The following MCTP1 variants were observed in gnomAD, a reference collection of about 807,000 sequenced individuals.
MCTP1 encodes multiple C2 and transmembrane domain containing 1, also known as multiple C2 and transmembrane domain-containing protein 1.
A neutral mutation model predicts 120.6 loss-of-function variants in MCTP1; 69 were observed. That is an observed-to-expected ratio of 0.57 (90% confidence interval 0.47 to 0.70). The LOEUF (loss-of-function observed/expected upper bound fraction) is 0.70. MCTP1 is among the 30% of genes least tolerant of loss of function. The probability of loss-of-function intolerance (pLI) is 0.00; values close to 1 mark genes in which losing one functional copy is unlikely to be tolerated. For synonymous variants in MCTP1, 529 were observed against 493.1 expected, an observed-to-expected ratio of 1.07 and a Z score of -0.96; for missense variants, 1,203 against 1,248.8, an observed-to-expected ratio of 0.96 and a Z score of 0.55.
intron 18 of MCTP1, among the ~76,000 whole-genome samples, chr5:94,785,366 G>T (rs1019513044): frequency 2.0e-5 from 3 of 151,962 alleles, no homozygotes; most frequent in Non-Finnish European, 4.4e-5. Flanking sequence ...TCTAATCTTG[G>T]TGTCTTTAGG....
rs545546088 is a variant in MCTP1, at chr5:95,180,875, C to T, written c.720+102981G>A. 2.0e-5 allele frequency among the ~76,000 whole-genome samples: 3 copies of T among 152,162 alleles called. 1 individual carries two copies. The South Asian group carries it at 6.2e-4, about 32-fold the overall frequency. ...ACCATTATACCCTTACTTGCCCTAGCCAAAAACTTAGGAATGATCTTTAAT... is the reference window on the plus strand; with the variant it reads ...ACCATTATACCCTTACTTGCCCTAGTCAAAAACTTAGGAATGATCTTTAAT... On this transcript the variant is annotated intron_variant, in intron 1 of 22. Transcript: ENST00000515393.
chr5:94,964,865 T>C (rs1391913464), intron 2 of MCTP1, among the ~76,000 whole-genome samples: 1 of 152,202 alleles, frequency 6.6e-6, no homozygotes, highest in Non-Finnish European at 1.5e-5. Context: ...GGTAAGACCT[T>C]ATTATTGCTC....
At chr5:95,188,900 T>C (rs913803128) in intron 1 of MCTP1, among the ~76,000 whole-genome samples, 7 of 152,184 alleles carry the variant, frequency 4.6e-5, no homozygotes, top group African/African-American at 7.2e-5. Flanking sequence ...GATACTGTAC[T>C]ATAATTCTGT....
At chr5:94,763,198 C>A (rs1771741956) in intron 19 of MCTP1, among the ~76,000 whole-genome samples, 1 of 152,204 alleles carries the variant, frequency 6.6e-6, no homozygotes, top group African/African-American at 2.4e-5. Context: ...CCTTCTTATT[C>A]CAGTCTGTGT....
At chr5:94,754,527 T>C (rs1317383734) in intron 19 of MCTP1, among the ~76,000 whole-genome samples, 5 of 152,234 alleles carry the variant, frequency 3.3e-5, no homozygotes, top group Non-Finnish European at 7.3e-5. Context: ...TTACAACTCT[T>C]TGACATCTTC....
intron 10 of MCTP1, among the ~76,000 whole-genome samples, chr5:94,908,448 AGTATGTATAAATTTTCTTCAAGCT>A (rs1807531234): frequency 6.6e-6 from 1 of 152,024 alleles, no homozygotes; most frequent in South Asian, 2.1e-4. Flanking sequence ...TTTTACTCTT[AGTATGTATAAATTTTCTTCAAGCT>A]GTATGTTTAA....
chr5:95,032,648 CA>C (rs1157628598), intron 1 of MCTP1, among the ~76,000 whole-genome samples: 1 of 151,732 alleles, frequency 6.6e-6, no homozygotes. Flanking sequence ...CAAAGGTCCC[CA>C]ATTAACAACC....
chr5:94,888,781 G>T (rs1428438492), intron 12 of MCTP1, 98 bp downstream of exon 12: 11 of 660,292 alleles, frequency 1.7e-5, no homozygotes, highest in Non-Finnish European at 2.6e-5. Flanking sequence ...TATTTATTTT[G>T]ATGATCCATC....
intron 1 of MCTP1, chr5:95,081,832 A>G (rs931304882): frequency 2.0e-6 from 2 of 1,023,778 alleles, no homozygotes; most frequent in Non-Finnish European, 2.3e-6. Context: ...CTGCTAAATC[A>G]AACATGCAGT....
At chr5:94,954,147 C>CATGTATATATATGCATATATATACAA (rs1554151245) in intron 2 of MCTP1, among the ~76,000 whole-genome samples, 2 of 32,524 alleles carry the variant, frequency 6.1e-5, no homozygotes, top group Non-Finnish European at 1.1e-4. Context: ...CATATATATA[C>CATGTATATATATGCATATATATACAA]ATATATATAT....
chr5:94,744,459 T>C (rs553677848), intron 19 of MCTP1, among the ~76,000 whole-genome samples: 4 of 152,250 alleles, frequency 2.6e-5, no homozygotes, highest in Admixed American at 2.0e-4. Flanking sequence ...GCTGGCGTTA[T>C]GCAAACTTGG....
At chr5:95,052,461 C>T (rs575799640) in intron 1 of MCTP1, among the ~76,000 whole-genome samples, 1 of 152,300 alleles carries the variant, frequency 6.6e-6, no homozygotes, top group South Asian at 2.1e-4. Context: ...TGTATTTTAT[C>T]TGGCAATCTT....
At chr5:95,149,600 C>T (rs1403791166) in intron 1 of MCTP1, among the ~76,000 whole-genome samples, 1 of 152,098 alleles carries the variant, frequency 6.6e-6, no homozygotes, top group Non-Finnish European at 1.5e-5. Context: ...CAAACAAGGG[C>T]AGGGTCACTG....
chr5:95,060,731 G>A (rs925296100), intron 1 of MCTP1, among the ~76,000 whole-genome samples: 2 of 152,088 alleles, frequency 1.3e-5, no homozygotes, highest in Non-Finnish European at 2.9e-5. Context: ...CAGCACTTTG[G>A]GAGGCTGAGG....
chr5:95,034,238 G>A (rs188217513), intron 1 of MCTP1, among the ~76,000 whole-genome samples: 1 of 151,854 alleles, frequency 6.6e-6, no homozygotes. Context: ...AAATGTATAT[G>A]GAACCAAAAA....
chr5:95,004,016 C>G (rs574182839), intron 2 of MCTP1, among the ~76,000 whole-genome samples: 34 of 152,260 alleles, frequency 2.2e-4, no homozygotes, highest in Non-Finnish European at 4.0e-4. Flanking sequence ...CTGATAGTGA[C>G]AAGAACAGTG....
At chr5:95,223,663 CTGGAAAAA>C (rs1439814958) in intron 1 of MCTP1, among the ~76,000 whole-genome samples, 1 of 151,938 alleles carries the variant, frequency 6.6e-6, no homozygotes, top group African/African-American at 2.4e-5. Context: ...TTTCTTGAAA[CTGGAAAAA>C]TTATGGCAAT....
chr5:94,846,244 A>T (rs1180815526), intron 17 of MCTP1, among the ~76,000 whole-genome samples: 1 of 152,204 alleles, frequency 6.6e-6, no homozygotes, highest in Admixed American at 6.6e-5. Context: ...AAGACATGGA[A>T]TCAACCTAAA....
intron 1 of MCTP1, among the ~76,000 whole-genome samples, chr5:95,246,991 G>A (rs1756865666): frequency 6.6e-6 from 1 of 152,088 alleles, no homozygotes; most frequent in African/African-American, 2.4e-5. Flanking sequence ...TGTACCTCTG[G>A]TAGAATTCAG....
Sources: gnomAD v4.1 joint callset for allele counts (sites outside exome capture counted in the v4.1 genomes callset) on GRCh38, gnomAD v4.1.1 for gene constraint, MANE v1.5 for transcripts, NCBI Gene and HGNC (gene_info 2026-07-23, HGNC 2026-07-21) for gene names.